The following MFAP4 variants were observed in gnomAD, a reference collection of about 807,000 sequenced individuals.
MFAP4 encodes microfibril associated protein 4, also known as microfibril-associated glycoprotein 4.
In MFAP4, 20 loss-of-function variants were observed where a neutral mutation model predicts 32.4. The ratio of observed to expected loss-of-function variants is 0.62; its 90% CI spans 0.43 to 0.90. The LOEUF (loss-of-function observed/expected upper bound fraction) is 0.90, where lower values mean the gene tolerates loss of function less well. Among genes scored for constraint, MFAP4 ranks in the 40% least tolerant of loss-of-function variants. The pLI is 0.00. For synonymous variants in MFAP4, 146 were observed against 137.4 expected, an observed-to-expected ratio of 1.06 and a Z score of -0.44; for missense variants, 267 against 329.5, an observed-to-expected ratio of 0.81 and a Z score of 1.47.
intron 1 of MFAP4, 146 bp from the exon 2 acceptor site, chr17:19,386,984 C>CCCCCCCCCCCCCCCCCCAA: frequency 1.1e-6 from 1 of 908,274 alleles, no homozygotes; most frequent in South Asian, 1.4e-5. Context: ...CCTGCCCCCC[C>CCCCCCCCCCCCCCCCCCAA]ACCCCGCCCG....
At chr17:19,384,822 AT>A in intron 5 of MFAP4, 113 bp from the exon 6 acceptor site, 1 of 1,428,288 alleles carries the variant, frequency 7.0e-7, no homozygotes, top group Non-Finnish European at 9.7e-7. Flanking sequence ...GCCTGGCGGG[AT>A]GGGGGCACCC....
At position 19,386,995 on chromosome 17, in the gene MFAP4, C is replaced by T. The variant is rs776727419; in HGVS notation, c.6+155G>A. 87 of 1,164,402 alleles carry T rather than the reference C, an allele frequency of 7.5e-5. No individual in the cohort carries two copies. The Admixed American group carries it at 1.4e-3, about 19-fold the overall frequency. The allele number at this position is 1,164,402 out of a possible 1,614,324, so 72.1% of individuals were successfully genotyped here. A position where few individuals can be genotyped will look rare whatever the true frequency, so the allele number is the denominator to read the frequency against. ...CTTCCCTGCCCCCCCACCCCGCCCG[C>T]CAAGTAACCCCACTCTCTGGGACGC... On this transcript the variant is annotated intron_variant, in intron 1 of 5. Transcript: ENST00000299610.
Position 19,384,152 on chromosome 17 carries a change from G to A in MFAP4, c.*310C>T, listed in dbSNP as rs1912934002. ...GGAGAGTGGCTCCTGGCTGTCAGCT[G>A]TTGGGACAGGTTGGAGGCAACTCAT... On this transcript the variant is annotated 3_prime_UTR_variant, in exon 6 of 6. Transcript: ENST00000299610. The A allele has an allele frequency of 7.9e-6, 3 of 378,374 alleles. No homozygotes were observed. The highest frequency in any genetic ancestry group is 2.5e-5 in the South Asian group (1 of 39,428). 23.4% of individuals were successfully genotyped at this position (378,374 alleles called of 1,614,324 possible). A position where few individuals can be genotyped will look rare whatever the true frequency, so the allele number is the denominator to read the frequency against.
In MFAP4 at chr17:19,384,431, GGGAGGAAAGGTGCCTGAGGGGGCCA is replaced by G; in HGVS notation, c.*6_*30del. On this transcript the variant is annotated 3_prime_UTR_variant, in exon 6 of 6. Transcript: ENST00000299610. ...ACTCATGGAGACCATGGGTGTCCAG[GGGAGGAAAGGTGCCTGAGGGGGCCA>G]GCCCTTCAGGCCCGGCGGATTTTCA... 1.9e-6 allele frequency: 3 copies of G among 1,550,004 alleles called. No homozygotes were observed. Among genetic ancestry groups the G allele is most frequent in the Non-Finnish European group, 2.6e-6 (3 of 1,145,586 alleles).
chr17:19,386,985 A>AACCCC, intron 1 of MFAP4, 147 bp from the exon 2 acceptor site: 2 of 317,362 alleles, frequency 6.3e-6, no homozygotes, highest in East Asian at 8.7e-5. Flanking sequence ...CTGCCCCCCC[A>AACCCC]CCCCGCCCGC....
At position 19,384,364 on chromosome 17, in the gene MFAP4, C is replaced by T. The variant is rs113382414; in HGVS notation, c.*98G>A. 45 of 1,403,070 alleles carry T rather than the reference C, an allele frequency of 3.2e-5. No individual in the cohort carries two copies. The highest frequency in any genetic ancestry group is 2.3e-4 in the East Asian group (9 of 39,808). 86.9% of individuals were successfully genotyped at this position (1,403,070 alleles called of 1,614,324 possible). The stretch of plus-strand genomic sequence containing the variant: ...GGCCCCCTTGTAAGGAGTTGGTGCT[C>T]GGGAATCAGCAGAAGCATGCATCAG... On this transcript the variant is annotated 3_prime_UTR_variant, in exon 6 of 6. Transcript: ENST00000299610.
chr17:19,387,049 A>G (rs1234325720), intron 1 of MFAP4, 101 bp downstream of exon 1: 9 of 1,591,002 alleles, frequency 5.7e-6, no homozygotes, highest in African/African-American at 4.3e-5. Flanking sequence ...ACGAGTTTCA[A>G]GAGAACTCCT....
At chr17:19,386,985 A>ACCCCCCCCCCCC in intron 1 of MFAP4, 147 bp from the exon 2 acceptor site, 4 of 317,372 alleles carry the variant, frequency 1.3e-5, no homozygotes, top group South Asian at 4.3e-5. Flanking sequence ...CTGCCCCCCC[A>ACCCCCCCCCCCC]CCCCGCCCGC....
At chr17:19,386,864 A>G in intron 1 of MFAP4, 26 bp from the exon 2 acceptor site, 1 of 1,550,588 alleles carries the variant, frequency 6.4e-7, no homozygotes, top group Non-Finnish European at 8.7e-7. Context: ...CAGGGTCAGC[A>G]CAGCCCCTTC....
Position 19,384,660 on chromosome 17 carries a change from C to T in MFAP4, c.570G>A (p.Arg190=). 6.2e-7 allele frequency: 1 copy of T among 1,614,132 alleles called. No homozygotes were observed. The highest frequency in any genetic ancestry group is 1.1e-5 in the South Asian group (1 of 91,084). The change falls in exon 6 of 6, where the codon CGG becomes CGA. Residue 190 remains arginine, a synonymous_variant. Coordinates refer to ENST00000299610, the MANE Select transcript of MFAP4 (RefSeq NM_002404.3). ...AGTTCTGCACAAAGAGGTCCTGGTC[C>T]CGGTCGAAGGTAGAGAACTTCTGGC... ...HSGQKFSTFD[R]DQDLFVQNCA...
rs923846143 is a variant in MFAP4 at position 19,384,818 on chromosome 17, C to G, written c.521-109G>C. The G allele has an allele frequency of 1.9e-5, 28 of 1,469,726 alleles. No homozygotes were observed. The South Asian group carries it at 2.9e-4, about 15-fold the overall frequency. 91.0% of individuals were successfully genotyped at this position (1,469,726 alleles called of 1,614,324 possible). ...TGAGAGATATCACGTGGCAGCCTGG[C>G]GGGATGGGGGCACCCTCCCTGAGCC... On this transcript the variant is annotated intron_variant, in intron 5 of 5. Coordinates refer to ENST00000299610, the MANE Select transcript of MFAP4 (RefSeq NM_002404.3).
At position 19,385,040 on chromosome 17, in the gene MFAP4, G is replaced by A. The variant is rs1418426317; in HGVS notation, c.520+59C>T. Reference sequence around the variant, plus strand: ...GAAGGAGGTTGGGGCTGACTGGGCAGGGCCAGCCCTGCCTTCTTTCCCCTC... The same window carrying A: ...GAAGGAGGTTGGGGCTGACTGGGCAAGGCCAGCCCTGCCTTCTTTCCCCTC... On this transcript the variant is annotated intron_variant, in intron 5 of 5. Transcript: ENST00000299610. 3 of 1,565,388 alleles carry A rather than the reference G, an allele frequency of 1.9e-6. No individual in the cohort carries two copies. In the East Asian group the frequency reaches 6.7e-5, roughly 35 times the overall value.
At chr17:19,386,985 A>AAC in intron 1 of MFAP4, 147 bp from the exon 2 acceptor site, 1 of 317,372 alleles carries the variant, frequency 3.2e-6, no homozygotes, top group South Asian at 2.2e-5. Flanking sequence ...CTGCCCCCCC[A>AAC]CCCCGCCCGC....
At chr17:19,386,249 C>T in intron 3 of MFAP4, 61 bp downstream of exon 3, 1 of 1,439,766 alleles carries the variant, frequency 6.9e-7, no homozygotes, top group Non-Finnish European at 9.3e-7. Flanking sequence ...ATATGTGAAG[C>T]CCAGGGTCAC....
In MFAP4 at chr17:19,385,271, G is replaced by C. The variant is rs1257348406; in HGVS notation, c.348C>G (p.Asn116Lys). The C allele has an allele frequency of 1.3e-5, 21 of 1,614,166 alleles. No individual in the cohort carries two copies. Among genetic ancestry groups the C allele is most frequent in the Non-Finnish European group, 1.8e-5 (21 of 1,180,056 alleles). ...ADGEYWLGLQ[N>K]MHLLTLKQKY... Reference sequence around the variant, plus strand: ...TCTGCTTCAGTGTCAGGAGGTGCATGTTCTGCAGCCCTGGGGAGGAGGGGC... The same window carrying C: ...TCTGCTTCAGTGTCAGGAGGTGCATCTTCTGCAGCCCTGGGGAGGAGGGGC... Residue 116 changes from asparagine to lysine, a missense_variant, in exon 5 of 6, where the codon AAC becomes AAG. Around this residue, in one of 3 missense-constraint regions of MFAP4, gnomAD observed 223 missense variants for 253.3 expected, o/e 0.88. Coordinates refer to ENST00000299610, the MANE Select transcript of MFAP4 (RefSeq NM_002404.3).
chr17:19,386,920 G>A, intron 1 of MFAP4, 82 bp from the exon 2 acceptor site: 1 of 1,455,616 alleles, frequency 6.9e-7, no homozygotes, highest in Non-Finnish European at 9.4e-7. Flanking sequence ...CCCCCACCAT[G>A]CATGCACATA....
intron 1 of MFAP4, 134 bp from the exon 2 acceptor site, chr17:19,386,972 T>TGGCGGGGGCCCCCCCCCCCC: frequency 1.1e-6 from 1 of 937,000 alleles, no homozygotes; most frequent in Non-Finnish European, 1.7e-6. Context: ...TGGCCCCTCT[T>TGGCGGGGGCCCCCCCCCCCC]CCCTGCCCCC....
Position 19,384,775 on chromosome 17 carries a change from G to A in MFAP4, c.521-66C>T, listed in dbSNP as rs1008552935. ...ACTGAGCCCCGAGCTGGCCGGGAGA[G>A]GGTGACAATGACGACTGTGAGAGAT... is the stretch of plus-strand genomic sequence containing the variant. On this transcript the variant is annotated intron_variant, in intron 5 of 5. Transcript: ENST00000299610. The A allele has an allele frequency of 4.5e-5, 72 of 1,596,104 alleles. No homozygotes were observed. The African/African-American group carries it at 8.5e-4, about 19-fold the overall frequency.
In MFAP4 at chr17:19,384,234, G is replaced by A. The variant is rs950477579; in HGVS notation, c.*228C>T. ...ACCATGTGCCTCTCGGAAGAGGCCT[G>A]GGGAACTGCTGGCAGTGTAACTTCA... On this transcript the variant is annotated 3_prime_UTR_variant, in exon 6 of 6. Transcript: ENST00000299610. 6 of 557,754 alleles carry A rather than the reference G, an allele frequency of 1.1e-5. No homozygotes were observed. In the East Asian group the frequency reaches 1.6e-4, roughly 15 times the overall value. 34.6% of individuals were successfully genotyped at this position (557,754 alleles called of 1,614,324 possible). A position where few individuals can be genotyped will look rare whatever the true frequency, so the allele number is the denominator to read the frequency against.
Sources: gnomAD v4.1 joint callset for allele counts on GRCh38, gnomAD v4.1.1 for gene constraint, gnomAD v4.1.1 regional missense constraint, MANE v1.5 for transcripts, NCBI Gene and HGNC (gene_info 2026-07-23, HGNC 2026-07-21) for gene names.